The following FAM153A variants were observed in gnomAD, a reference collection of about 807,000 sequenced individuals.
FAM153A encodes the protein family with sequence similarity 153 member A, also known as protein FAM153A.
Under a neutral mutation model 48.1 loss-of-function variants are expected in FAM153A, and 12 were observed. The ratio of observed to expected loss-of-function variants is 0.25; its 90% confidence interval spans 0.16 to 0.40. The LOEUF is 0.40. FAM153A is among the 10% of genes least tolerant of loss of function. The pLI, the probability that FAM153A is intolerant of heterozygous loss-of-function variation, is 1.00. For synonymous variants in FAM153A, 36 were observed against 118.2 expected (o/e 0.30, Z 4.51); for missense variants, 111 against 345.8 (o/e 0.32, Z 5.38).
At position 177,765,232 on chromosome 5, in the gene FAM153A, T is replaced by C; in HGVS notation, c.-57+15217A>G. On this transcript the variant is annotated intron_variant, in intron 1 of 8. Coordinates refer to the FAM153A transcript ENST00000393518. The stretch of plus-strand genomic sequence containing the variant: ...GCCCTGTGAGGCAGCTATGGGCATC[T>C]GCACTTGGCCTAATAAAGACAACAG... Among the ~76,000 whole-genome samples the C allele has an allele frequency of 2.0e-5, 2 of 99,170 alleles. 1 individual carries two copies. The highest frequency in any genetic ancestry group is 4.2e-5 in the Non-Finnish European group (2 of 47,410). The allele number at this position is 99,170 out of a possible 152,430, so 65.1% of individuals were successfully genotyped here.
chr5:177,760,012 T>A (rs28473367), intron 1 of FAM153A, among the ~76,000 whole-genome samples: 77,431 of 138,820 alleles, frequency 0.56, 22,416 homozygotes, highest in Middle Eastern at 0.6. Context: ...AGATGTTGCA[T>A]TTTTTTTCAG....
At chr5:177,746,719 G>A (rs1279238988) in intron 4 of FAM153A, among the ~76,000 whole-genome samples, 13 of 151,322 alleles carry the variant, frequency 8.6e-5, no homozygotes, top group African/African-American at 2.7e-4. Context: ...GAATGGGACA[G>A]CCCTTCATGG....
At chr5:177,753,202 C>G in exon 1 of FAM153A, 2 of 1,610,572 alleles carry the variant, frequency 1.2e-6, no homozygotes, top group Non-Finnish European at 1.7e-6. Flanking sequence ...ATAAACACAT[C>G]CCATTGTGAG....
chr5:177,760,059 G>C (rs1217887727), intron 1 of FAM153A, among the ~76,000 whole-genome samples: 1 of 148,538 alleles, frequency 6.7e-6, no homozygotes, highest in Non-Finnish European at 1.5e-5. Context: ...ACAGAATTTG[G>C]GAAGGAACAC....
chr5:177,730,218 A>G (rs867196610), intron 16 of FAM153A, among the ~76,000 whole-genome samples: 1,780 of 109,838 alleles, frequency 0.016, 173 homozygotes, highest in African/African-American at 0.05. Flanking sequence ...ACAGCCTGTC[A>G]TGGGGAGCAG....
downstream of FAM153A, among the ~76,000 whole-genome samples, chr5:177,703,092 A>C (rs1757590942): frequency 6.6e-6 from 1 of 152,166 alleles, no homozygotes; most frequent in African/African-American, 2.4e-5. Context: ...TGGTAGATCC[A>C]CCAGCAGCTT....
At chr5:177,703,296 C>T (rs1162865007), downstream of FAM153A, among the ~76,000 whole-genome samples, 1 of 151,962 alleles carries the variant, frequency 6.6e-6, no homozygotes, top group East Asian at 1.9e-4. Context: ...AATGACTGCC[C>T]TGCTGGGTTT....
upstream of FAM153A, among the ~76,000 whole-genome samples, chr5:177,754,402 C>G (rs1290915177): frequency 6.6e-6 from 1 of 151,798 alleles, no homozygotes; most frequent in Non-Finnish European, 1.5e-5. Context: ...TAGACTCCAC[C>G]TCTGGGGGCA....
downstream of FAM153A, chr5:177,718,344 CAG>C (rs1432778714): frequency 1.1e-5 from 1 of 88,962 alleles, no homozygotes; most frequent in Admixed American, 1.1e-4. Flanking sequence ...CTGTAAAAAA[CAG>C]AGTTAAAAGA....
intron 10 of FAM153A, among the ~76,000 whole-genome samples, chr5:177,738,707 G>T (rs546638919): frequency 1.3e-5 from 2 of 151,328 alleles, no homozygotes; most frequent in African/African-American, 4.9e-5. Flanking sequence ...TACAGCTGTG[G>T]TGGAGGATAA....
chr5:177,753,834 C>T (rs971558467), upstream of FAM153A, among the ~76,000 whole-genome samples: 12 of 151,862 alleles, frequency 7.9e-5, no homozygotes, highest in African/African-American at 2.7e-4. Context: ...TAATGAGGCA[C>T]AAAAACTGCA....
chr5:177,764,790 G>A (rs544569674), intron 1 of FAM153A, among the ~76,000 whole-genome samples: 2 of 150,604 alleles, frequency 1.3e-5, no homozygotes, highest in Admixed American at 6.6e-5. Context: ...GAGGATGGCT[G>A]GGAACACCTC....
intron 25 of FAM153A, among the ~76,000 whole-genome samples, chr5:177,715,490 G>A (rs1759525067): frequency 1.3e-5 from 2 of 151,530 alleles, no homozygotes; most frequent in Non-Finnish European, 2.9e-5. Flanking sequence ...ATGAAATGGT[G>A]TATTTTAAGG....
At chr5:177,695,150 C>T in the FAM153A span, among the ~76,000 whole-genome samples, 1 of 141,622 alleles carries the variant, frequency 7.1e-6, no homozygotes, top group Non-Finnish European at 1.5e-5. Context: ...TCTTGAAGTC[C>T]TGACCTTGTG....
At position 177,771,769 on chromosome 5, in the gene FAM153A, C is replaced by T. The variant is rs1380644252; in HGVS notation, c.-57+8680G>A. Among the ~76,000 whole-genome samples the T allele has an allele frequency of 2.1e-5, 2 of 96,494 alleles. 1 individual carries two copies. The highest frequency in any genetic ancestry group is 8.2e-5 in the African/African-American group (2 of 24,260). 63.3% of individuals were successfully genotyped at this position (96,494 alleles called of 152,430 possible). A position where few individuals can be genotyped will look rare whatever the true frequency, so the allele number is the denominator to read the frequency against. On this transcript the variant is annotated intron_variant, in intron 1 of 8. Transcript: ENST00000393518. ...GTGGGTACATGTGAGGGAGAGTAAC[C>T]TCCATATAAAACACTTGGGTACTGA...
upstream of FAM153A, among the ~76,000 whole-genome samples, chr5:177,781,262 C>CTTTTTTT (rs1769622553): frequency 1.1e-5 from 1 of 89,006 alleles, no homozygotes; most frequent in African/African-American, 6.3e-5. Context: ...CCACGCCCGG[C>CTTTTTTT]TATTTTTTTT....
At chr5:177,755,592 CGGGTTACCCACAAA>C (rs1386946395), upstream of FAM153A, among the ~76,000 whole-genome samples, 1 of 151,700 alleles carries the variant, frequency 6.6e-6, no homozygotes, top group African/African-American at 2.4e-5. Flanking sequence ...AGACAAAGGT[CGGGTTACCCACAAA>C]GGGAAGCCCA....
downstream of FAM153A, among the ~76,000 whole-genome samples, chr5:177,706,360 C>T (rs1757890172): frequency 6.6e-6 from 1 of 151,264 alleles, no homozygotes; most frequent in African/African-American, 2.4e-5. Context: ...CCAAGCCTGG[C>T]TACTTTTTTT....
chr5:177,741,141 G>A, intron 7 of FAM153A, 115 bp downstream of exon 9: 2 of 165,658 alleles, frequency 1.2e-5, no homozygotes, highest in Non-Finnish European at 2.1e-5. Context: ...TGCCCACCAA[G>A]ACATTCTGTA....
Sources: gnomAD v4.1 joint callset for allele counts (sites outside exome capture counted in the v4.1 genomes callset) on GRCh38, gnomAD v4.1.1 for gene constraint, MANE v1.5 for transcripts, NCBI Gene and HGNC (gene_info 2026-07-23, HGNC 2026-07-21) for gene names.